The following LYRM4 variants were observed in gnomAD, a reference collection of about 807,000 sequenced individuals.
LYRM4 encodes the protein LYR motif-containing protein 4.
In LYRM4, 9 loss-of-function variants were observed where a neutral mutation model predicts 11.7. That is an observed-to-expected ratio of 0.77 (90% CI 0.46 to 1.34). The LOEUF (loss-of-function observed/expected upper bound fraction) is 1.34. LYRM4 is among the 40% of genes most tolerant of loss of function. The pLI, the probability that LYRM4 is intolerant of heterozygous loss-of-function variation, is 0.00. For synonymous variants in LYRM4, 42 were observed against 40.4 expected (o/e 1.04, Z -0.15); for missense variants, 133 against 112.5 (o/e 1.18, Z -0.82).
the LYRM4 span, among the ~76,000 whole-genome samples, chr6:5,076,461 G>A: frequency 1.3e-5 from 2 of 152,130 alleles, no homozygotes; most frequent in Non-Finnish European, 2.9e-5. Flanking sequence ...GAGGCTCAAT[G>A]TATTCTTTCT....
chr6:5,227,848 C>G (rs1762982417), intron 1 of LYRM4, among the ~76,000 whole-genome samples: 1 of 152,152 alleles, frequency 6.6e-6, no homozygotes, highest in Admixed American at 6.5e-5. Context: ...ATGGATGAAG[C>G]TGGAAACCAT....
chr6:5,166,244 C>T (rs1331944343), intron 2 of LYRM4, among the ~76,000 whole-genome samples: 2 of 152,026 alleles, frequency 1.3e-5, no homozygotes, highest in Admixed American at 6.6e-5. Flanking sequence ...TTTTGAAAGC[C>T]GTTCATAGAA....
At chr6:5,045,102 A>G in the LYRM4 span, among the ~76,000 whole-genome samples, 2 of 152,216 alleles carry the variant, frequency 1.3e-5, no homozygotes, top group Non-Finnish European at 2.9e-5. Context: ...CTATGTAACA[A>G]ACCACCTCAA....
rs142600432 is a variant in LYRM4, at chr6:5,258,165, G to A, written c.86+2483C>T. Reference sequence around the variant, plus strand: ...GACAGAGGACAGGATGCACATGTGGGACTTAGGCTGAGACTGGAGGAGCAG... The same window carrying A: ...GACAGAGGACAGGATGCACATGTGGAACTTAGGCTGAGACTGGAGGAGCAG... On this transcript the variant is annotated intron_variant, in intron 1 of 2. Transcript: ENST00000330636. Among the ~76,000 whole-genome samples, 4 of 152,340 alleles carry A rather than the reference G, an allele frequency of 2.6e-5. No homozygotes were observed. The East Asian group carries it at 7.7e-4, about 29-fold the overall frequency.
chr6:5,123,779 C>T (rs908395886), intron 2 of LYRM4, among the ~76,000 whole-genome samples: 5 of 152,212 alleles, frequency 3.3e-5, no homozygotes, highest in Non-Finnish European at 7.3e-5. Flanking sequence ...GCGAGGACCT[C>T]GGAGTAAGAG....
intron 2 of LYRM4, among the ~76,000 whole-genome samples, chr6:5,205,244 T>C (rs969045140): frequency 5.3e-5 from 8 of 150,400 alleles, no homozygotes; most frequent in African/African-American, 1.7e-4. Flanking sequence ...GGAAGGTCAC[T>C]GAAGGCCTTC....
the LYRM4 span, chr6:5,033,985 T>C: frequency 6.6e-6 from 1 of 152,290 alleles, no homozygotes; most frequent in Admixed American, 6.5e-5. Flanking sequence ...GCTCTCACAC[T>C]AGAAACAAGT....
chr6:5,144,922 G>A (rs1757632865), intron 2 of LYRM4, among the ~76,000 whole-genome samples: 1 of 152,252 alleles, frequency 6.6e-6, no homozygotes, highest in African/African-American at 2.4e-5. Context: ...GACATGGGAA[G>A]CAGGCGCAGG....
At chr6:5,156,062 T>A (rs1758394575) in intron 2 of LYRM4, among the ~76,000 whole-genome samples, 1 of 152,214 alleles carries the variant, frequency 6.6e-6, no homozygotes, top group African/African-American at 2.4e-5. Flanking sequence ...TAGGATGGTA[T>A]CATCTGTCTT....
chr6:5,088,619 C>G, the LYRM4 span: 2 of 152,098 alleles, frequency 1.3e-5, no homozygotes, highest in Non-Finnish European at 2.9e-5. Flanking sequence ...ACTATCTGGC[C>G]CTTTTACAAA....
At chr6:5,076,007 C>T in the LYRM4 span, among the ~76,000 whole-genome samples, 9 of 151,250 alleles carry the variant, frequency 6.0e-5, no homozygotes, top group East Asian at 1.9e-4. Flanking sequence ...TGCAGTGGTG[C>T]GATCATGGCT....
At position 5,256,490 on chromosome 6, in the gene LYRM4, GGAAAAAAAAAAAAAAAA is replaced by G. The variant is rs1354609605; in HGVS notation, c.86+4141_86+4157del. Among the ~76,000 whole-genome samples, 318 of 37,498 alleles carry G rather than the reference GGAAAAAAAAAAAAAAAA, an allele frequency of 8.5e-3. 13 individuals are homozygous for G. Among genetic ancestry groups the G allele is most frequent in the Admixed American group, 0.022 (61 of 2,792 alleles). 24.6% of individuals were successfully genotyped at this position (37,498 alleles called of 152,430 possible). A position where few individuals can be genotyped will look rare whatever the true frequency, so the allele number is the denominator to read the frequency against. On this transcript the variant is annotated intron_variant, in intron 1 of 2. Coordinates refer to ENST00000330636, the MANE Select transcript of LYRM4 (RefSeq NM_020408.6). ...GGGCAACAAGGGCAAGATTTCAACT[GGAAAAAAAAAAAAAAAA>G]AAAAAAAAAAAAAAAAAAAAAAAGA...
chr6:5,195,586 A>T (rs1170370209), intron 2 of LYRM4, among the ~76,000 whole-genome samples: 1 of 152,212 alleles, frequency 6.6e-6, no homozygotes, highest in East Asian at 1.9e-4. Context: ...GTGAGCTGAG[A>T]TAGCGCCACT....
At chr6:5,144,210 C>T (rs1384339457) in intron 2 of LYRM4, 5 of 1,536,836 alleles carry the variant, frequency 3.3e-6, no homozygotes, top group Middle Eastern at 1.7e-4. Flanking sequence ...CTTCCCCAGG[C>T]TCCGGCTGCT....
At chr6:5,126,741 T>C (rs1417597293) in intron 2 of LYRM4, among the ~76,000 whole-genome samples, 1 of 152,198 alleles carries the variant, frequency 6.6e-6, no homozygotes, top group African/African-American at 2.4e-5. Flanking sequence ...AGGCCACATA[T>C]TGTATGATTC....
At chr6:5,085,419 C>T in the LYRM4 span, 8 of 1,205,758 alleles carry the variant, frequency 6.6e-6, no homozygotes, top group South Asian at 1.0e-4. Context: ...TTCCACGGCC[C>T]GAGGAGTTAG....
intron 2 of LYRM4, among the ~76,000 whole-genome samples, chr6:5,121,298 G>A (rs1763444606): frequency 6.6e-6 from 1 of 152,186 alleles, no homozygotes; most frequent in Non-Finnish European, 1.5e-5. Flanking sequence ...GCTGAAGGCA[G>A]GGAATATCTT....
chr6:5,234,464 A>G (rs1763420671), intron 1 of LYRM4, among the ~76,000 whole-genome samples: 2 of 152,104 alleles, frequency 1.3e-5, no homozygotes, highest in Admixed American at 6.6e-5. Context: ...ATTACAAATT[A>G]CTCTATTTTA....
chr6:5,109,784 G>T (rs553127550), intron 2 of LYRM4, among the ~76,000 whole-genome samples: 1 of 152,348 alleles, frequency 6.6e-6, no homozygotes, highest in Non-Finnish European at 1.5e-5. Context: ...CCTGCCTGCT[G>T]GTGGCAGAGC....
Sources: gnomAD v4.1 joint callset for allele counts (sites outside exome capture counted in the v4.1 genomes callset) on GRCh38, gnomAD v4.1.1 for gene constraint, MANE v1.5 for transcripts, NCBI Gene and HGNC (gene_info 2026-07-23, HGNC 2026-07-21) for gene names.